SGCD: variants seen among roughly 807,000 people sequenced by gnomAD.
The protein encoded by SGCD is sarcoglycan delta.
A neutral mutation model predicts 36.6 loss-of-function variants in SGCD; 18 were observed. The observed-to-expected ratio is 0.49, with a 90% CI of 0.34 to 0.73. SGCD has a LOEUF of 0.73. Ranked by LOEUF, SGCD falls within the 30% of genes least tolerant of loss-of-function variation. SGCD has a pLI of 0.01. For missense variants in SGCD, 387 were observed against 346.7 expected (o/e 1.12, Z -0.92); for synonymous variants, 133 against 130.6 (o/e 1.02, Z -0.12).
chr5:155,942,330 G>GTATCTAACTATCTATC (rs1272237547), intron 1 of SGCD, among the ~76,000 whole-genome samples: 2 of 135,518 alleles, frequency 1.5e-5, no homozygotes. Flanking sequence ...ATGTATGTAT[G>GTATCTAACTATCTATC]TATGTATCTA....
chr5:155,931,422 T>G (rs1468820180), intron 1 of SGCD, among the ~76,000 whole-genome samples: 1 of 152,188 alleles, frequency 6.6e-6, no homozygotes, highest in Non-Finnish European at 1.5e-5. Context: ...TATTTCAACC[T>G]AAGTAGATTC....
intron 3 of SGCD, among the ~76,000 whole-genome samples, chr5:156,507,349 A>G (rs890282888): frequency 1.3e-5 from 2 of 152,210 alleles, no homozygotes; most frequent in African/African-American, 4.8e-5. Flanking sequence ...CCATGAGCCC[A>G]GGAGCCAGAA....
At chr5:155,850,488 T>G in the SGCD span, among the ~76,000 whole-genome samples, 1 of 152,122 alleles carries the variant, frequency 6.6e-6, no homozygotes, top group Non-Finnish European at 1.5e-5. Context: ...AGTAGGCTGG[T>G]TCTGCTTTGG....
At chr5:155,859,216 G>A in the SGCD span, among the ~76,000 whole-genome samples, 1 of 151,708 alleles carries the variant, frequency 6.6e-6, no homozygotes, top group Non-Finnish European at 1.5e-5. Flanking sequence ...ACCATGCCTG[G>A]CTAATTTTTA....
chr5:156,423,074 T>G (rs1342977190), intron 3 of SGCD, among the ~76,000 whole-genome samples: 1 of 142,470 alleles, frequency 7.0e-6, no homozygotes, highest in Admixed American at 7.6e-5. Context: ...CAAAGGCATA[T>G]AAGCTCCATT....
the SGCD span, among the ~76,000 whole-genome samples, chr5:155,863,910 A>G: frequency 6.6e-6 from 1 of 152,178 alleles, no homozygotes; most frequent in Non-Finnish European, 1.5e-5. Context: ...CAAGGACCCT[A>G]CTGTCATGGA....
chr5:156,317,661 A>G (rs971894994), intron 3 of SGCD, among the ~76,000 whole-genome samples: 2 of 152,280 alleles, frequency 1.3e-5, no homozygotes, highest in South Asian at 2.1e-4. Flanking sequence ...CAGTGTGGAA[A>G]TGTTCTGTGT....
At chr5:156,631,679 G>A (rs7723780) in intron 6 of SGCD, among the ~76,000 whole-genome samples, 15,754 of 151,462 alleles carry the variant, frequency 0.1, 1,015 homozygotes, top group Non-Finnish European at 0.15. Context: ...ACCAATTCAC[G>A]TTAGAAGAAC....
At chr5:155,829,455 T>C in the SGCD span, among the ~76,000 whole-genome samples, 1 of 152,206 alleles carries the variant, frequency 6.6e-6, no homozygotes, top group Non-Finnish European at 1.5e-5. Flanking sequence ...TCTTCTCTCA[T>C]CTCAAAGCCT....
chr5:155,840,344 A>C, the SGCD span, among the ~76,000 whole-genome samples: 1 of 150,584 alleles, frequency 6.6e-6, no homozygotes, highest in Non-Finnish European at 1.5e-5. Flanking sequence ...CCTAGGTTCA[A>C]GCCATTCTCC....
At chr5:156,676,368 T>A (rs975795746) in intron 7 of SGCD, among the ~76,000 whole-genome samples, 1 of 152,208 alleles carries the variant, frequency 6.6e-6, no homozygotes, top group Non-Finnish European at 1.5e-5. Flanking sequence ...ATATTAATTA[T>A]TTTTGGTAAT....
intron 3 of SGCD, among the ~76,000 whole-genome samples, chr5:156,425,257 C>T (rs576083295): frequency 1.3e-5 from 2 of 151,960 alleles, no homozygotes; most frequent in South Asian, 4.2e-4. Context: ...GTAACTTACC[C>T]CAGGTCACAG....
chr5:155,820,503 T>TA, the SGCD span, among the ~76,000 whole-genome samples: 37 of 151,670 alleles, frequency 2.4e-4, no homozygotes, highest in Non-Finnish European at 4.4e-4. Context: ...CTACTAAAAA[T>TA]AAAAAAATAA....
chr5:155,872,929 G>T (rs561493790), intron 1 of SGCD, among the ~76,000 whole-genome samples: 1 of 152,290 alleles, frequency 6.6e-6, no homozygotes, highest in East Asian at 1.9e-4. Context: ...AAAAAATGTT[G>T]TGTAAAGGGC....
intron 7 of SGCD, among the ~76,000 whole-genome samples, chr5:156,675,490 T>C (rs1251262802): frequency 6.6e-6 from 1 of 152,156 alleles, no homozygotes; most frequent in Non-Finnish European, 1.5e-5. Flanking sequence ...GATGGACCAA[T>C]TAATTTGCCA....
intron 3 of SGCD, among the ~76,000 whole-genome samples, chr5:156,474,314 G>T (rs1342791217): frequency 6.6e-6 from 1 of 152,154 alleles, no homozygotes; most frequent in Non-Finnish European, 1.5e-5. Flanking sequence ...GAGTGATTCA[G>T]CCTTGTGCAA....
At chr5:156,192,907 A>C (rs1196765783) in intron 3 of SGCD, among the ~76,000 whole-genome samples, 1 of 110,090 alleles carries the variant, frequency 9.1e-6, no homozygotes, top group Non-Finnish European at 1.9e-5. Context: ...TCTGTGTAGC[A>C]ACTACTCTGT....
At chr5:155,730,429 T>C in the SGCD span, among the ~76,000 whole-genome samples, 10 of 78,890 alleles carry the variant, frequency 1.3e-4, no homozygotes, top group Non-Finnish European at 2.9e-4. Context: ...GGATGTCCAG[T>C]TGGAAGGTAG....
At chr5:156,366,559 A>G (rs1770116681) in intron 3 of SGCD, among the ~76,000 whole-genome samples, 1 of 152,226 alleles carries the variant, frequency 6.6e-6, no homozygotes. Context: ...TGCAGAAGAA[A>G]AAATAAAACT....
Sources: gnomAD v4.1 joint callset for allele counts (sites outside exome capture counted in the v4.1 genomes callset) on GRCh38, gnomAD v4.1.1 for gene constraint, MANE v1.5 for transcripts, NCBI Gene and HGNC (gene_info 2026-07-23, HGNC 2026-07-21) for gene names.